ADHFE1: variants seen among roughly 807,000 people sequenced by gnomAD.
The protein encoded by ADHFE1 is alcohol dehydrogenase iron containing 1, also known as hydroxyacid-oxoacid transhydrogenase, mitochondrial.
ADHFE1 carries 37 observed loss-of-function variants against 54.8 expected under a neutral mutation model. The ratio of observed to expected loss-of-function variants is 0.68; its 90% CI spans 0.52 to 0.89. ADHFE1 has a LOEUF of 0.89. Ranked by LOEUF, ADHFE1 falls within the 40% of genes least tolerant of loss-of-function variation. The pLI is 0.00. For missense variants in ADHFE1, 601 were observed against 591.2 expected (o/e 1.02, Z -0.17); for synonymous variants, 203 against 229.3 (o/e 0.89, Z 1.04).
chr8:66,440,218 T>A lies in ADHFE1; in HGVS notation c.97+19T>A. 4.3e-6 allele frequency: 7 copies of A among 1,609,450 alleles called. No individual in the cohort carries two copies. The highest frequency in any genetic ancestry group is 5.9e-6 in the Non-Finnish European group (7 of 1,178,274). On this transcript the variant is annotated intron_variant, in intron 2 of 13. Transcript: ENST00000396623. ...TCCCAAGGTAATACTTCTGTATTTTTAAACTAGCCACAATTTTGGTTTCTG... is the reference window on the plus strand; with the variant it reads ...TCCCAAGGTAATACTTCTGTATTTTAAAACTAGCCACAATTTTGGTTTCTG...
Position 66,439,164 on chromosome 8 carries a change from G to T in ADHFE1, c.60-998G>T. 1 of 983,822 alleles carries T rather than the reference G, an allele frequency of 1.0e-6. No individual in the cohort carries two copies. Among genetic ancestry groups the T allele is most frequent in the Non-Finnish European group, 1.2e-6 (1 of 828,546 alleles). The allele number at this position is 983,822 out of a possible 1,614,324, so 60.9% of individuals were successfully genotyped here. On this transcript the variant is annotated intron_variant, in intron 1 of 13. Transcript: ENST00000396623. The surrounding 1 kb of genome is among the most constrained non-coding windows in gnomAD (Gnocchi z 4.4). ...TTGACTTCGCAGTTCGAATTTTTGA[G>T]ATCTGGACGGCCACTGAGATCAACC...
rs754849665 is a variant in ADHFE1, at chr8:66,454,155, G to T, written c.984G>T (p.Leu328=). ...GCTTTGGAAATGCTGGTGTTCATCT[G>T]TGGTGAGCAAGTCTGAGATTTCATT... is the stretch of plus-strand genomic sequence containing the variant. ...GIGFGNAGVH[L]CHGMSYPISG... Residue 328 remains leucine, a splice_region_variant and synonymous_variant, in exon 10 of 14, where the codon CTG becomes CTT. Transcript: ENST00000396623. The T allele has an allele frequency of 6.8e-6, 11 of 1,613,850 alleles. No homozygotes were observed. The highest frequency in any genetic ancestry group is 9.3e-6 in the Non-Finnish European group (11 of 1,179,940).
chr8:66,467,590 C>G (rs1254506057), intron 13 of ADHFE1, among the ~76,000 whole-genome samples: 1 of 152,048 alleles, frequency 6.6e-6, no homozygotes, highest in Non-Finnish European at 1.5e-5. Flanking sequence ...GAAAATGGAA[C>G]CTCAAAATGG....
At position 66,460,350 on chromosome 8, in the gene ADHFE1, T is replaced by C; in HGVS notation, c.1205T>C (p.Val402Ala). The C allele has an allele frequency of 6.2e-7, 1 of 1,614,154 alleles. No homozygotes were observed. The highest frequency in any genetic ancestry group is 8.5e-7 in the Non-Finnish European group (1 of 1,180,026). ...GCCAGGATCCAAGATGCAGGGCTGG[T>C]GTTGGCAGACACGCTCCGGAAATTC... is the stretch of plus-strand genomic sequence containing the variant. ...RTARIQDAGLVLADTLRKFLF... is the reference protein window; with the variant it reads ...RTARIQDAGLALADTLRKFLF... The change falls in exon 13 of 14, where the codon GTG becomes GCG. Residue 402 changes from valine (V) to alanine (A), a missense_variant. Transcript: ENST00000396623.
At chr8:66,459,090 C>T (rs1806747420) in intron 12 of ADHFE1, among the ~76,000 whole-genome samples, 1 of 152,100 alleles carries the variant, frequency 6.6e-6, no homozygotes, top group Non-Finnish European at 1.5e-5. Flanking sequence ...AAGCTAAAAA[C>T]CGATTTAATA....
At chr8:66,464,928 G>GC (rs1586494332) in intron 13 of ADHFE1, among the ~76,000 whole-genome samples, 1 of 152,232 alleles carries the variant, frequency 6.6e-6, no homozygotes, top group East Asian at 1.9e-4. Flanking sequence ...CTATGAATTT[G>GC]CCTATCCTAG....
At chr8:66,440,073 A>G (rs1354663229) in intron 1 of ADHFE1, 89 bp from the exon 2 acceptor site, 12 of 1,255,962 alleles carry the variant, frequency 9.6e-6, no homozygotes, top group Non-Finnish European at 1.3e-5. Context: ...TTAGCACTAG[A>G]CTGCAATGTG....
In ADHFE1 at chr8:66,439,790, G is replaced by A; in HGVS notation, c.60-372G>A. 9.4e-7 allele frequency: 1 copy of A among 1,066,502 alleles called. No individual in the cohort carries two copies. The highest frequency in any genetic ancestry group is 3.7e-5 in the South Asian group (1 of 26,948). The allele number at this position is 1,066,502 out of a possible 1,614,324, so 66.1% of individuals were successfully genotyped here. A position where few individuals can be genotyped will look rare whatever the true frequency, so the allele number is the denominator to read the frequency against. ...GAAGAGGCACACAGAGTTAACCTTG[G>A]GCCGATTTGGTCAACGCTCCTAACC... On this transcript the variant is annotated intron_variant, in intron 1 of 13. Transcript: ENST00000396623. This position sits in a 1 kb window ranked among gnomAD's most constrained non-coding sequence, Gnocchi z 4.4.
In ADHFE1 at chr8:66,455,145, G is replaced by A. The variant is rs149546726; in HGVS notation, c.986+988G>A. Among the ~76,000 whole-genome samples, 10 of 152,238 alleles carry A rather than the reference G, an allele frequency of 6.6e-5. No homozygotes were observed. The East Asian group carries it at 1.5e-3, about 24-fold the overall frequency. ...AGGTTTTCCTTTCTCTTGTTATATAGGTAGGAGCAGAATTGCTGGGTCATA... is the reference window on the plus strand; with the variant it reads ...AGGTTTTCCTTTCTCTTGTTATATAAGTAGGAGCAGAATTGCTGGGTCATA... On this transcript the variant is annotated intron_variant, in intron 10 of 13. Coordinates refer to ENST00000396623, the MANE Select transcript of ADHFE1 (RefSeq NM_144650.3).
chr8:66,441,742 A>G (rs1183896418), intron 2 of ADHFE1, among the ~76,000 whole-genome samples: 1 of 152,114 alleles, frequency 6.6e-6, no homozygotes, highest in African/African-American at 2.4e-5. Flanking sequence ...CACACCCATA[A>G]TCCTAGGACT....
In ADHFE1 at chr8:66,447,407, T is replaced by C. The variant is rs183698232; in HGVS notation, c.628+66T>C. 5.3e-3 allele frequency: 6,906 copies of C among 1,302,672 alleles called. 36 individuals carry two copies. Among genetic ancestry groups the C allele is most frequent in the Non-Finnish European group, 6.4e-3 (5,804 of 912,312 alleles). 80.7% of individuals were successfully genotyped at this position (1,302,672 alleles called of 1,614,324 possible). ...CTCCACACTCTTCTTTAAATCCTAATATTTAAAAATCAAGCAGTTATGATA... is the reference window on the plus strand; with the variant it reads ...CTCCACACTCTTCTTTAAATCCTAACATTTAAAAATCAAGCAGTTATGATA... On this transcript the variant is annotated intron_variant, in intron 7 of 13. Transcript: ENST00000396623.
chr8:66,437,645 G>A (rs530504285), intron 1 of ADHFE1, among the ~76,000 whole-genome samples: 17 of 151,296 alleles, frequency 1.1e-4, no homozygotes, highest in South Asian at 4.2e-4. Context: ...TCATTTACTC[G>A]CTCATTTAAT....
intron 3 of ADHFE1, 139 bp from the exon 4 acceptor site, chr8:66,444,228 G>A: frequency 1.4e-6 from 1 of 714,378 alleles, no homozygotes; most frequent in South Asian, 1.9e-5. Context: ...AGTGAGACCA[G>A]GTGGGAGATG....
rs1217708748 is a variant in ADHFE1, at chr8:66,439,865, G to A, written c.60-297G>A. 3 of 872,078 alleles carry A rather than the reference G, an allele frequency of 3.4e-6. No individual in the cohort carries two copies. Among genetic ancestry groups the A allele is most frequent in the African/African-American group, 1.7e-5 (1 of 57,300 alleles). The allele number at this position is 872,078 out of a possible 1,614,324, so 54.0% of individuals were successfully genotyped here. A position where few individuals can be genotyped will look rare whatever the true frequency, so the allele number is the denominator to read the frequency against. ...GACCAGAGACCCCCATCTTAAACTTGCATGTACCCCCAGAGCGTTTATCTC... is the reference window on the plus strand; with the variant it reads ...GACCAGAGACCCCCATCTTAAACTTACATGTACCCCCAGAGCGTTTATCTC... On this transcript the variant is annotated intron_variant, in intron 1 of 13. Coordinates refer to ENST00000396623, the MANE Select transcript of ADHFE1 (RefSeq NM_144650.3). This position sits in a 1 kb window ranked among gnomAD's most constrained non-coding sequence, Gnocchi z 4.4.
chr8:66,432,839 C>A (rs1298105833), intron 1 of ADHFE1: 31 of 1,221,518 alleles, frequency 2.5e-5, no homozygotes, highest in Non-Finnish European at 3.2e-5. Context: ...GGACCTGGTC[C>A]CACATCGTAG....
intron 9 of ADHFE1, chr8:66,453,724 C>T (rs1806426215): frequency 1.5e-6 from 2 of 1,374,206 alleles, no homozygotes; most frequent in Non-Finnish European, 1.9e-6. Context: ...GTCAACAGCA[C>T]TGACAAATGA....
intron 13 of ADHFE1, among the ~76,000 whole-genome samples, chr8:66,466,256 T>G (rs1446803235): frequency 9.2e-6 from 1 of 108,556 alleles, no homozygotes; most frequent in African/African-American, 3.9e-5. Context: ...TTTTTTTTTT[T>G]TGTATTTTTA....
intron 1 of ADHFE1, 151 bp from the exon 2 acceptor site, chr8:66,440,011 A>G (rs1383367477): frequency 1.3e-6 from 1 of 780,802 alleles, no homozygotes; most frequent in Non-Finnish European, 2.1e-6. Flanking sequence ...GGGTCTATAT[A>G]TATTTTTTCT....
chr8:66,445,171 A>C (rs773337422), intron 5 of ADHFE1, 47 bp from the exon 6 acceptor site: 18 of 1,519,198 alleles, frequency 1.2e-5, no homozygotes, highest in Non-Finnish European at 1.5e-5. Flanking sequence ...ATGGCAATTT[A>C]TTTCTGAAAA....
Sources: gnomAD v4.1 joint callset for allele counts (sites outside exome capture counted in the v4.1 genomes callset) on GRCh38, gnomAD v4.1.1 for gene constraint, Gnocchi (gnomAD v3.1) non-coding constraint, MANE v1.5 for transcripts, NCBI Gene and HGNC (gene_info 2026-07-23, HGNC 2026-07-21) for gene names.